The following LMLN variants were observed in gnomAD, a reference collection of about 807,000 sequenced individuals.
LMLN encodes the protein leishmanolysin like peptidase, also known as leishmanolysin-like peptidase.
In LMLN, 70 loss-of-function variants were observed where a neutral mutation model predicts 92.3. The observed-to-expected ratio is 0.76, with a 90% confidence interval of 0.63 to 0.92. LMLN has a LOEUF of 0.92. Ranked by LOEUF, LMLN falls within the 40% of genes least tolerant of loss-of-function variation. The pLI is 0.00. For synonymous variants in LMLN, 308 were observed against 296.2 expected, an observed-to-expected ratio of 1.04 and a Z score of -0.41; for missense variants, 691 against 814.6, an observed-to-expected ratio of 0.85 and a Z score of 1.85.
chr3:197,972,150 C>T (rs1233461844), intron 1 of LMLN, among the ~76,000 whole-genome samples: 6 of 151,760 alleles, frequency 4.0e-5, no homozygotes, highest in East Asian at 3.9e-4. Context: ...CTGCAACCAC[C>T]GTCTCCCGAG....
chr3:198,020,766 G>GTTTGTTTTTTTTTTTTTTTTTTT (rs1260852398), intron 12 of LMLN, among the ~76,000 whole-genome samples: 3 of 25,642 alleles, frequency 1.2e-4, no homozygotes, highest in African/African-American at 5.5e-4. Context: ...GCTAATTTTT[G>GTTTGTTTTTTTTTTTTTTTTTTT]TATTTTTTTT....
At chr3:198,015,940 C>A (rs1319171233) in intron 11 of LMLN, among the ~76,000 whole-genome samples, 2 of 152,066 alleles carry the variant, frequency 1.3e-5, no homozygotes, top group African/African-American at 4.8e-5. Context: ...TGTGGTGGCT[C>A]ATACCTGTAA....
In LMLN at chr3:198,031,626, GCTGA is replaced by G. The variant is rs1168879463; in HGVS notation, c.1657-4203_1657-4200del. On this transcript the variant is annotated intron_variant, in intron 14 of 15. Coordinates refer to ENST00000330198, the Ensembl canonical transcript of LMLN. The surrounding 1 kb of genome is among the most constrained non-coding windows in gnomAD (Gnocchi z 4.8). The stretch of plus-strand genomic sequence containing the variant: ...TTCTGAAAGCATTTTTCCTTTGTGT[GCTGA>G]CTGTCAGTGTCATTCTGAGTTTCAA... Among the ~76,000 whole-genome samples the G allele has an allele frequency of 6.6e-6, 1 of 152,130 alleles. No homozygotes were observed. The highest frequency in any genetic ancestry group is 2.4e-5 in the African/African-American group (1 of 41,414).
At chr3:197,968,593 ATG>A (rs145580057) in intron 1 of LMLN, among the ~76,000 whole-genome samples, 5,799 of 152,192 alleles carry the variant, frequency 0.038, 169 homozygotes, top group East Asian at 0.097. Context: ...TGGGAACTGT[ATG>A]TGTCCATATT....
intron 14 of LMLN, among the ~76,000 whole-genome samples, chr3:198,027,673 G>A (rs1369363440): frequency 6.6e-6 from 1 of 152,146 alleles, no homozygotes; most frequent in East Asian, 1.9e-4. Flanking sequence ...TCCACATTGT[G>A]CCATGTATCA....
intron 7 of LMLN, among the ~76,000 whole-genome samples, chr3:197,984,514 C>A (rs1383014892): frequency 4.6e-5 from 7 of 152,066 alleles, no homozygotes; most frequent in Admixed American, 3.3e-4. Context: ...TTTTTTGAGG[C>A]CCCATGATGG....
At chr3:198,010,602 C>A (rs1722407009) in intron 11 of LMLN, among the ~76,000 whole-genome samples, 1 of 152,078 alleles carries the variant, frequency 6.6e-6, no homozygotes, top group Admixed American at 6.6e-5. Context: ...AGGCACACAC[C>A]CCCACACCCA....
chr3:198,003,633 C>A (rs1016099324), intron 11 of LMLN, among the ~76,000 whole-genome samples: 1 of 120,378 alleles, frequency 8.3e-6, no homozygotes, highest in African/African-American at 3.7e-5. Context: ...TTGACATTAT[C>A]TATATATCAT....
intron 11 of LMLN, among the ~76,000 whole-genome samples, chr3:198,003,765 A>G: frequency 2.3e-5 from 1 of 44,382 alleles, no homozygotes; most frequent in South Asian, 1.0e-3. Context: ...GATACATATC[A>G]TACGTAGTAA....
intron 11 of LMLN, among the ~76,000 whole-genome samples, chr3:198,010,820 A>G (rs1722412627): frequency 6.6e-6 from 1 of 152,064 alleles, no homozygotes; most frequent in Non-Finnish European, 1.5e-5. Flanking sequence ...TAATGTAGCT[A>G]TTTGTTGCTA....
chr3:197,998,928 C>T (rs183317961), intron 10 of LMLN, among the ~76,000 whole-genome samples: 7 of 152,332 alleles, frequency 4.6e-5, no homozygotes, highest in Admixed American at 3.9e-4. Context: ...GTGCATTTGC[C>T]TCAATCACCC....
At chr3:197,993,074 A>C (rs1721919865) in intron 9 of LMLN, among the ~76,000 whole-genome samples, 1 of 152,186 alleles carries the variant, frequency 6.6e-6, no homozygotes, top group Non-Finnish European at 1.5e-5. Context: ...CATTTAGCAA[A>C]ATTCAACATC....
At chr3:197,960,614 C>T (rs941431610) in intron 1 of LMLN, among the ~76,000 whole-genome samples, 174 bp downstream of exon 1, 3 of 152,274 alleles carry the variant, frequency 2.0e-5, no homozygotes, top group African/African-American at 7.2e-5. Context: ...TGCAAGTTGG[C>T]TGTTAGGCGC....
chr3:197,963,700 T>C (rs1182293659), intron 1 of LMLN, among the ~76,000 whole-genome samples: 1 of 152,238 alleles, frequency 6.6e-6, no homozygotes, highest in Non-Finnish European at 1.5e-5. Flanking sequence ...TCCCTTACAA[T>C]TTTTGATGTT....
intron 11 of LMLN, among the ~76,000 whole-genome samples, chr3:198,002,159 C>G (rs1560146087): frequency 6.7e-6 from 1 of 149,704 alleles, no homozygotes; most frequent in Admixed American, 6.7e-5. Context: ...CTTACTAGAA[C>G]TTTTTTTTTT....
chr3:198,005,926 G>A, intron 11 of LMLN, among the ~76,000 whole-genome samples: 1 of 152,018 alleles, frequency 6.6e-6, no homozygotes, highest in South Asian at 2.1e-4. Flanking sequence ...AGACCAGCCT[G>A]GCCAACATAG....
At chr3:198,011,039 ATGCTG>A (rs1722419231) in intron 11 of LMLN, among the ~76,000 whole-genome samples, 1 of 152,176 alleles carries the variant, frequency 6.6e-6, no homozygotes, top group Admixed American at 6.5e-5. Flanking sequence ...TGGAGAATAT[ATGCTG>A]TATGATTTGA....
exon 2 of LMLN, chr3:197,974,433 G>A (rs769087312): frequency 2.5e-6 from 4 of 1,593,550 alleles, no homozygotes; most frequent in Non-Finnish European, 3.4e-6. Context: ...ATGTTGATGA[G>A]CATTTAAGAA....
rs183197450 is a variant in LMLN at position 198,035,591 on chromosome 3, G to C, written c.1657-242G>C. Among the ~76,000 whole-genome samples, 4 of 152,070 alleles carry C rather than the reference G, an allele frequency of 2.6e-5. No individual in the cohort carries two copies. In the East Asian group the frequency reaches 7.8e-4, roughly 30 times the overall value. ...TTGGCCAGGATGATCTCGATCTCTT[G>C]ACCTCATGATCTGCCCGCCTCAGCC... is the stretch of plus-strand genomic sequence containing the variant. On this transcript the variant is annotated intron_variant, in intron 14 of 15. Coordinates refer to ENST00000330198, the Ensembl canonical transcript of LMLN.
Sources: allele counts gnomAD v4.1 joint callset (sites outside exome capture counted in the v4.1 genomes callset), GRCh38; gene constraint gnomAD v4.1.1; non-coding constraint Gnocchi (gnomAD v3.1); transcripts MANE v1.5; gene names NCBI Gene and HGNC (gene_info 2026-07-23, HGNC 2026-07-21).